Variants in VPS8 observed in about 807,000 individuals in gnomAD.
VPS8 encodes VPS8 subunit of CORVET complex.
VPS8 carries 129 observed loss-of-function variants against 216.4 expected under a neutral mutation model. That is an observed-to-expected ratio of 0.60 (90% CI 0.52 to 0.69). The LOEUF is 0.69. Among genes scored for constraint, VPS8 ranks in the 30% least tolerant of loss-of-function variants. The pLI is 0.00. For missense variants in VPS8, 1,531 were observed against 1,683.5 expected, an observed-to-expected ratio of 0.91 and a Z score of 1.59; for synonymous variants, 571 against 565.4, an observed-to-expected ratio of 1.01 and a Z score of -0.14.
At chr3:184,879,437 T>A (rs1340207938) in intron 21 of VPS8, among the ~76,000 whole-genome samples, 10 of 152,144 alleles carry the variant, frequency 6.6e-5, no homozygotes, top group Non-Finnish European at 1.5e-4. Flanking sequence ...TAGAATATTC[T>A]TAATATTCTT....
intron 2 of VPS8, chr3:184,824,997 C>A: frequency 1.9e-6 from 1 of 539,036 alleles, no homozygotes; most frequent in South Asian, 1.9e-5. Context: ...CTTCAACCTC[C>A]TGGGCTCAAG....
chr3:184,921,277 C>T (rs996271431), intron 29 of VPS8, among the ~76,000 whole-genome samples: 3 of 152,212 alleles, frequency 2.0e-5, no homozygotes, highest in Non-Finnish European at 4.4e-5. Context: ...AGAGTGACTT[C>T]ATAAACTCAG....
chr3:184,816,711 C>T (rs1045380921), intron 1 of VPS8, among the ~76,000 whole-genome samples: 1 of 152,132 alleles, frequency 6.6e-6, no homozygotes, highest in African/African-American at 2.4e-5. Flanking sequence ...TCAGGAAGCC[C>T]CATACGGCCA....
At position 184,977,557 on chromosome 3, in the gene VPS8, G is replaced by A. The variant is rs988201168; in HGVS notation, c.3421-5009G>A. 5.3e-5 allele frequency among the ~76,000 whole-genome samples: 8 copies of A among 151,896 alleles called. No individual in the cohort carries two copies. In the East Asian group the frequency reaches 1.5e-3, roughly 29 times the overall value. ...TGATATTAAGAATAATATTTCCTAG[G>A]TATTCTTCTAAGAGTTTTATACTCT... On this transcript the variant is annotated intron_variant, in intron 40 of 47. Transcript: ENST00000625842.
At chr3:185,029,567 CTTT>C (rs767940348) in intron 46 of VPS8, among the ~76,000 whole-genome samples, 2 of 144,002 alleles carry the variant, frequency 1.4e-5, no homozygotes. Flanking sequence ...CAACATGTAT[CTTT>C]TTTTTTTTTT....
intron 3 of VPS8, among the ~76,000 whole-genome samples, chr3:184,830,050 G>A (rs1455149765): frequency 6.6e-6 from 1 of 152,092 alleles, no homozygotes; most frequent in African/African-American, 2.4e-5. Context: ...GCGTGTGTGT[G>A]TCCTATTTAA....
At chr3:184,866,734 CTGAGA>C (rs1219246356) in intron 16 of VPS8, 137 bp from the exon 17 acceptor site, 22 of 711,672 alleles carry the variant, frequency 3.1e-5, no homozygotes, top group Admixed American at 9.2e-5. Context: ...TAAATGTAGA[CTGAGA>C]TAAGTTACAC....
chr3:184,853,088 A>G (rs1338102190), intron 11 of VPS8, among the ~76,000 whole-genome samples: 1 of 152,150 alleles, frequency 6.6e-6, no homozygotes, highest in African/African-American at 2.4e-5. Flanking sequence ...TGTGTTTCTC[A>G]TAGCTTCTAA....
At chr3:184,905,518 A>G (rs1482441973) in intron 25 of VPS8, among the ~76,000 whole-genome samples, 3 of 150,046 alleles carry the variant, frequency 2.0e-5, no homozygotes, top group Non-Finnish European at 4.4e-5. Context: ...AGTTTTGTTG[A>G]TCTTTTCATA....
rs1721574117 is a variant in VPS8 at position 184,838,736 on chromosome 3, C to G, written c.470C>G (p.Pro157Arg). ...SAADKVDAGL[P>R]TAIAVSSLIA... ...TAGGACAAAGTAGATGCTGGCTTGC[C>G]TACAGCAATTGTAAGTATACTTTAA... The change falls in exon 6 of 48, where the codon CCT becomes CGT. Residue 157 changes from proline to arginine, a missense_variant. Around this residue, in one of 3 missense-constraint regions of VPS8, gnomAD observed 199 missense variants for 182.2 expected, o/e 1.09. Coordinates refer to ENST00000625842, the MANE Select transcript of VPS8 (RefSeq NM_001009921.3). The G allele has an allele frequency of 6.5e-7, 1 of 1,542,680 alleles. No homozygotes were observed. Among genetic ancestry groups the G allele is most frequent in the Non-Finnish European group, 8.7e-7 (1 of 1,144,520 alleles).
At chr3:185,034,889 A>C (rs530224073) in intron 46 of VPS8, among the ~76,000 whole-genome samples, 1 of 152,278 alleles carries the variant, frequency 6.6e-6, no homozygotes, top group Admixed American at 6.5e-5. Context: ...GCTCCAAATA[A>C]ATACAATCAG....
At chr3:184,905,493 G>T (rs570740019) in intron 25 of VPS8, among the ~76,000 whole-genome samples, 81 of 151,700 alleles carry the variant, frequency 5.3e-4, no homozygotes, top group African/African-American at 1.7e-3. Context: ...TTTTTAGTCT[G>T]TCTAAAGGTT....
At chr3:184,910,083 G>A (rs1302383829) in intron 25 of VPS8, among the ~76,000 whole-genome samples, 1 of 148,854 alleles carries the variant, frequency 6.7e-6, no homozygotes, top group African/African-American at 2.5e-5. Flanking sequence ...GGTAGACAGA[G>A]TTTGGGGATC....
At chr3:185,007,532 AT>A (rs1561090114) in intron 45 of VPS8, among the ~76,000 whole-genome samples, 1 of 152,210 alleles carries the variant, frequency 6.6e-6, no homozygotes, top group Non-Finnish European at 1.5e-5. Flanking sequence ...AATATCTAAG[AT>A]TTGCTAGATT....
intron 39 of VPS8, among the ~76,000 whole-genome samples, chr3:184,970,914 C>T (rs1748298180): frequency 2.0e-5 from 3 of 152,150 alleles, no homozygotes; most frequent in Admixed American, 1.3e-4. Context: ...GAAGTAGAAT[C>T]AACAAATATT....
chr3:184,969,418 ACCC>A lies in VPS8; in HGVS notation c.3317-2223_3317-2221del, dbSNP rs63382562. Among the ~76,000 whole-genome samples the A allele has an allele frequency of 1.4e-3, 66 of 47,754 alleles. 2 individuals are homozygous for A. The highest frequency in any genetic ancestry group is 0.028 in the Middle Eastern group (1 of 36). 31.3% of individuals were successfully genotyped at this position (47,754 alleles called of 152,430 possible). ...GGTATGAGCCACTGTACCCAGCCCC[ACCC>A]CCCCCCCTTTTTTTTTTTTTTTTTT... On this transcript the variant is annotated intron_variant, in intron 39 of 47. Transcript: ENST00000625842.
chr3:184,978,355 C>T (rs1289131981), intron 40 of VPS8, among the ~76,000 whole-genome samples: 2 of 151,950 alleles, frequency 1.3e-5, no homozygotes, highest in African/African-American at 2.4e-5. Context: ...TTCCTTCCAT[C>T]CTTCTGTCCG....
At chr3:184,824,905 AT>A (rs71298576) in intron 2 of VPS8, 120 bp downstream of exon 2, 102,683 of 666,382 alleles carry the variant, frequency 0.15, no homozygotes, top group Middle Eastern at 0.23. Flanking sequence ...TCTGTGTATA[AT>A]TTTTTTTTTT....
chr3:184,832,751 T>A lies in VPS8; in HGVS notation c.285T>A (p.Ile95=). 6.2e-7 allele frequency: 1 copy of A among 1,609,130 alleles called. No homozygotes were observed. The highest frequency in any genetic ancestry group is 2.2e-5 in the East Asian group (1 of 44,836). ...CTACATTGTTAAACATTGATACTATTGATTCTCACTCCTATGATACTTCAT... is the reference window on the plus strand; with the variant it reads ...CTACATTGTTAAACATTGATACTATAGATTCTCACTCCTATGATACTTCAT... ...EDPTLLNIDT[I]DSHSYDTSSV... Residue 95 remains isoleucine (I), a synonymous_variant, in exon 4 of 48, where the codon ATT becomes ATA. Transcript: ENST00000625842.
Sources: gnomAD v4.1 joint callset for allele counts (sites outside exome capture counted in the v4.1 genomes callset) on GRCh38, gnomAD v4.1.1 for gene constraint, gnomAD v4.1.1 regional missense constraint, MANE v1.5 for transcripts, NCBI Gene and HGNC (gene_info 2026-07-23, HGNC 2026-07-21) for gene names.